The following DGKB variants were observed in gnomAD, a reference collection of about 807,000 sequenced individuals.
DGKB encodes 90 kDa diacylglycerol kinase.
Under a neutral mutation model 114.3 loss-of-function variants are expected in DGKB, and 67 were observed. The ratio of observed to expected loss-of-function variants is 0.59; its 90% CI spans 0.48 to 0.72. The LOEUF (loss-of-function observed/expected upper bound fraction) is 0.72. Ranked by LOEUF, DGKB falls within the 30% of genes least tolerant of loss-of-function variation. The pLI, the probability that DGKB is intolerant of heterozygous loss-of-function variation, is 0.00. For synonymous variants in DGKB, 398 were observed against 323.1 expected, an observed-to-expected ratio of 1.23 and a Z score of -2.49; for missense variants, 907 against 975.2, an observed-to-expected ratio of 0.93 and a Z score of 0.93.
intron 1 of DGKB, among the ~76,000 whole-genome samples, chr7:14,846,217 T>C (rs1848609052): frequency 6.6e-6 from 1 of 152,230 alleles, no homozygotes; most frequent in African/African-American, 2.4e-5. Context: ...CTTTGGCTGT[T>C]GGATTTGGTT....
At position 14,624,650 on chromosome 7, in the gene DGKB, C is replaced by T. The variant is rs1038988411; in HGVS notation, c.1168-3156G>A. 6.6e-5 allele frequency among the ~76,000 whole-genome samples: 10 copies of T among 152,086 alleles called. No individual in the cohort carries two copies. In the South Asian group the frequency reaches 1.0e-3, roughly 16 times the overall value. On this transcript the variant is annotated intron_variant, in intron 14 of 25. Coordinates refer to ENST00000402815, the MANE Select transcript of DGKB (RefSeq NM_001350709.2). ...TCATGTCCCTCCAAGTAGTCACCCCCCTAAGTAAGTTGGGCAGGAGACTAA... is the reference window on the plus strand; with the variant it reads ...TCATGTCCCTCCAAGTAGTCACCCCTCTAAGTAAGTTGGGCAGGAGACTAA...
intron 20 of DGKB, among the ~76,000 whole-genome samples, chr7:14,533,503 G>T (rs1036886950): frequency 7.9e-5 from 12 of 151,694 alleles, no homozygotes; most frequent in Non-Finnish European, 1.8e-4. Context: ...ATTTTTAAAA[G>T]TTATTATTTA....
chr7:14,964,741 G>A (rs762935255), intron 1 of DGKB, among the ~76,000 whole-genome samples: 2 of 152,062 alleles, frequency 1.3e-5, no homozygotes, highest in African/African-American at 2.4e-5. Flanking sequence ...TATTGAGGAG[G>A]AATTGACTGT....
intron 21 of DGKB, among the ~76,000 whole-genome samples, chr7:14,362,488 G>C (rs987605362): frequency 2.0e-5 from 3 of 151,914 alleles, no homozygotes; most frequent in African/African-American, 7.2e-5. Context: ...TATTCTAGTT[G>C]CCAGAAATTC....
chr7:14,841,376 C>G lies in DGKB; in HGVS notation c.-113G>C. ...TGGCATGTTTCATGATAAAATACCT[C>G]AGGCTTTCAAAATATGCAATCTGTC... is the stretch of plus-strand genomic sequence containing the variant. On this transcript the variant is annotated 5_prime_UTR_variant, in exon 2 of 26. Coordinates refer to ENST00000402815, the MANE Select transcript of DGKB (RefSeq NM_001350709.2). 1 of 855,436 alleles carries G rather than the reference C, an allele frequency of 1.2e-6. No individual in the cohort carries two copies. The highest frequency in any genetic ancestry group is 1.8e-6 in the Non-Finnish European group (1 of 557,974). The allele number at this position is 855,436 out of a possible 1,614,324, so 53.0% of individuals were successfully genotyped here.
chr7:14,549,413 T>A (rs12699644), intron 20 of DGKB, among the ~76,000 whole-genome samples: 67,463 of 151,616 alleles, frequency 0.44, 15,324 homozygotes, highest in South Asian at 0.53. Flanking sequence ...TATTTTTTTT[T>A]AAAAAATTGA....
intron 1 of DGKB, among the ~76,000 whole-genome samples, chr7:14,900,652 T>C (rs1022541570): frequency 2.0e-5 from 3 of 152,116 alleles, no homozygotes; most frequent in Admixed American, 1.3e-4. Context: ...TTACCAATGG[T>C]TTTAAATTGT....
rs1353077964 is a variant in DGKB at position 14,417,863 on chromosome 7, A to G, written c.1835+60298T>C. Among the ~76,000 whole-genome samples, 9 of 151,902 alleles carry G rather than the reference A, an allele frequency of 5.9e-5. No individual in the cohort carries two copies. In the South Asian group the frequency reaches 1.0e-3, roughly 17 times the overall value. On this transcript the variant is annotated intron_variant, in intron 21 of 25. Coordinates refer to ENST00000402815, the MANE Select transcript of DGKB (RefSeq NM_001350709.2). ...ATTTGAGGGTTTATACCTTGCAGTA[A>G]AAAAGGAGAGAAAATAAAACAAAAA...
chr7:14,859,654 T>C lies in DGKB; in HGVS notation c.-187-18204A>G, dbSNP rs76648996. Among the ~76,000 whole-genome samples the C allele has an allele frequency of 2.2e-3, 339 of 152,276 alleles. 1 individual carries two copies. The highest frequency in any genetic ancestry group is 8.0e-3 in the African/African-American group (334 of 41,586). On this transcript the variant is annotated intron_variant, in intron 1 of 25. Coordinates refer to ENST00000402815, the MANE Select transcript of DGKB (RefSeq NM_001350709.2). ...TGGAATTCACAAATTTTCTTTTCCA[T>C]TCTCTATCCAACCCTCTGAAAGTAA...
At chr7:14,294,058 T>C (rs1584978372) in intron 23 of DGKB, among the ~76,000 whole-genome samples, 1 of 152,216 alleles carries the variant, frequency 6.6e-6, no homozygotes, top group Admixed American at 6.5e-5. Context: ...GGAGGCTCAA[T>C]GGAATAATCC....
intron 7 of DGKB, among the ~76,000 whole-genome samples, chr7:14,700,018 C>T (rs1442185759): frequency 6.6e-6 from 1 of 151,796 alleles, no homozygotes; most frequent in Non-Finnish European, 1.5e-5. Flanking sequence ...AATAAAACAA[C>T]TCTCCTTGAA....
chr7:14,963,063 A>AAC (rs1464434884), intron 1 of DGKB, among the ~76,000 whole-genome samples: 2 of 152,064 alleles, frequency 1.3e-5, no homozygotes, highest in Non-Finnish European at 2.9e-5. Context: ...TAAAGCTAGA[A>AAC]ACATTGACCA....
rs56208974 is a variant in DGKB at position 14,656,753 on chromosome 7, T to TACACACACACAC, written c.1134+16164_1134+16175dup. Among the ~76,000 whole-genome samples, 737 of 149,314 alleles carry TACACACACACAC rather than the reference T, an allele frequency of 4.9e-3. 5 individuals carry two copies. The highest frequency in any genetic ancestry group is 0.017 in the African/African-American group (682 of 40,594). On this transcript the variant is annotated intron_variant, in intron 13 of 25. Coordinates refer to ENST00000402815, the MANE Select transcript of DGKB (RefSeq NM_001350709.2). ...ATATACAGTATATATATAGGATATATACACACACACACACACACATATCCT... is the reference window on the plus strand; with the variant it reads ...ATATACAGTATATATATAGGATATATACACACACACACACACACACACACACACACATATCCT...
chr7:14,539,308 A>G (rs1793037476), intron 20 of DGKB, among the ~76,000 whole-genome samples: 1 of 152,160 alleles, frequency 6.6e-6, no homozygotes, highest in Non-Finnish European at 1.5e-5. Context: ...TTGTATACCA[A>G]TTATTCCTCA....
chr7:14,795,748 A>G (rs575155005), intron 2 of DGKB, among the ~76,000 whole-genome samples: 1 of 152,264 alleles, frequency 6.6e-6, no homozygotes, highest in African/African-American at 2.4e-5. Context: ...AGAGTCTGAT[A>G]TGTTGACCTA....
At chr7:14,371,757 T>C (rs1397879436) in intron 21 of DGKB, among the ~76,000 whole-genome samples, 1 of 152,204 alleles carries the variant, frequency 6.6e-6, no homozygotes, top group Non-Finnish European at 1.5e-5. Flanking sequence ...CCAAGGCCGA[T>C]GTTTCCTAGA....
intron 21 of DGKB, among the ~76,000 whole-genome samples, chr7:14,419,641 G>A (rs1826353781): frequency 6.7e-6 from 1 of 148,188 alleles, no homozygotes; most frequent in Non-Finnish European, 1.5e-5. Context: ...AAAAAAAAAT[G>A]TTGGACTGGA....
chr7:14,872,235 T>C (rs1852578208), intron 1 of DGKB, among the ~76,000 whole-genome samples: 2 of 152,224 alleles, frequency 1.3e-5, no homozygotes, highest in Non-Finnish European at 2.9e-5. Context: ...TGAAATGTTA[T>C]TTCTAAATAA....
At chr7:14,866,945 T>A (rs1459788764) in intron 1 of DGKB, among the ~76,000 whole-genome samples, 1 of 152,224 alleles carries the variant, frequency 6.6e-6, no homozygotes, top group Non-Finnish European at 1.5e-5. Context: ...TAGTAATATC[T>A]CACTGATGTT....
Sources: gnomAD v4.1 joint callset for allele counts (sites outside exome capture counted in the v4.1 genomes callset) on GRCh38, gnomAD v4.1.1 for gene constraint, MANE v1.5 for transcripts, NCBI Gene and HGNC (gene_info 2026-07-23, HGNC 2026-07-21) for gene names.